C11orf54: variants seen among roughly 807,000 people sequenced by gnomAD.
C11orf54 encodes the protein beta-keto L-gulonate decarboxylase.
A neutral mutation model predicts 35.5 loss-of-function variants in C11orf54; 29 were observed. The observed-to-expected ratio is 0.82, with a 90% CI of 0.61 to 1.11. C11orf54 has a LOEUF of 1.11. C11orf54 is among the 50% of genes most tolerant of loss of function. The pLI is 0.00. For synonymous variants in C11orf54, 108 were observed against 121.1 expected, an observed-to-expected ratio of 0.89 and a Z score of 0.71; for missense variants, 373 against 369.2, an observed-to-expected ratio of 1.01 and a Z score of -0.08.
At chr11:93,758,581 G>A (rs1256201508) in intron 7 of C11orf54, among the ~76,000 whole-genome samples, 1 of 152,220 alleles carries the variant, frequency 6.6e-6, no homozygotes, top group Non-Finnish European at 1.5e-5. Flanking sequence ...CGCCTGCTCC[G>A]ATCCAGGAGC....
intron 6 of C11orf54, 52 bp downstream of exon 6, chr11:93,755,438 A>C (rs1226097887): frequency 1.3e-6 from 2 of 1,566,190 alleles, no homozygotes; most frequent in East Asian, 2.3e-5. Flanking sequence ...CAGAAAGCTA[A>C]AAATGTGAAC....
chr11:93,757,748 C>G (rs1260727902), intron 7 of C11orf54, among the ~76,000 whole-genome samples: 1 of 152,074 alleles, frequency 6.6e-6, no homozygotes, highest in East Asian at 1.9e-4. Flanking sequence ...AGACTGGTGT[C>G]GAACTCCTGA....
At position 93,751,399 on chromosome 11, in the gene C11orf54, GTTTTTTTTTTTT is replaced by G. The variant is rs71064778; in HGVS notation, c.154+968_154+979del. Among the ~76,000 whole-genome samples, 4 of 74,708 alleles carry G rather than the reference GTTTTTTTTTTTT, an allele frequency of 5.4e-5. No individual in the cohort carries two copies. The Admixed American group carries it at 6.9e-4, about 13-fold the overall frequency. The allele number at this position is 74,708 out of a possible 152,430, so 49.0% of individuals were successfully genotyped here. Reference sequence around the variant, plus strand: ...GGATTTAGCATAGTACTTTTTTATAGTTTTTTTTTTTTTTTTTTTTTTTTGAGACAGAGTCTC... The same window carrying G: ...GGATTTAGCATAGTACTTTTTTATAGTTTTTTTTTTTTGAGACAGAGTCTC... On this transcript the variant is annotated intron_variant, in intron 3 of 8. Transcript: ENST00000354421.
intron 2 of C11orf54, among the ~76,000 whole-genome samples, chr11:93,749,523 A>AAC (rs1942696898): frequency 1.3e-5 from 2 of 151,350 alleles, no homozygotes; most frequent in Non-Finnish European, 1.5e-5. Context: ...AAAAAAAAAA[A>AAC]AAAACTGTTG....
chr11:93,758,681 G>A (rs978780808), intron 7 of C11orf54, among the ~76,000 whole-genome samples: 2 of 152,232 alleles, frequency 1.3e-5, no homozygotes, highest in African/African-American at 4.8e-5. Context: ...CTGCCGTCCC[G>A]GCCCCTTCTG....
At chr11:93,745,869 C>A in intron 1 of C11orf54, 1 of 152,380 alleles carries the variant, frequency 6.6e-6, no homozygotes, top group African/African-American at 2.4e-5. Context: ...GTAATCCCAG[C>A]TACTGGGGAG....
Position 93,763,989 on chromosome 11 carries a change from C to T in C11orf54, c.*2301C>T, listed in dbSNP as rs1026041101. The T allele has an allele frequency of 6.6e-6, 1 of 152,122 alleles. No individual in the cohort carries two copies. Among genetic ancestry groups the T allele is most frequent in the Non-Finnish European group, 1.5e-5 (1 of 68,068 alleles). The allele number at this position is 152,122 out of a possible 1,614,324, so 9.4% of individuals were successfully genotyped here. A position where few individuals can be genotyped will look rare whatever the true frequency, so the allele number is the denominator to read the frequency against. ...GGTATCAAAGAAGGAAACACCCAGG[C>T]TTGCTTGCTTTATTTTTTTAAAGAG... On this transcript the variant is annotated 3_prime_UTR_variant, in exon 9 of 9. Coordinates refer to ENST00000354421, the MANE Select transcript of C11orf54 (RefSeq NM_001286069.2).
At chr11:93,747,093 C>T in intron 1 of C11orf54, 1 of 179,318 alleles carries the variant, frequency 5.6e-6, no homozygotes, top group Non-Finnish European at 1.2e-5. Context: ...GCCTGGGCAA[C>T]ATAGTAACAC....
chr11:93,757,514 A>C (rs746079546), intron 7 of C11orf54, 49 bp downstream of exon 7: 1 of 1,546,856 alleles, frequency 6.5e-7, no homozygotes, highest in Middle Eastern at 1.7e-4. Context: ...GTGTGTGTGC[A>C]CTTACTTAAG....
rs1430119222 is a variant in C11orf54 at position 93,747,459 on chromosome 11, T to A, written c.55+11T>A. 1.9e-6 allele frequency: 3 copies of A among 1,581,732 alleles called. No individual in the cohort carries two copies. The highest frequency in any genetic ancestry group is 2.6e-6 in the Non-Finnish European group (3 of 1,167,354). On this transcript the variant is annotated intron_variant, in intron 2 of 8. Transcript: ENST00000354421. ...AAGAGCTTGCTGGAGGTAAAAACAA[T>A]ATTAACTTTGGATTTTTAAAAATTA...
intron 1 of C11orf54, among the ~76,000 whole-genome samples, chr11:93,744,431 T>G (rs1591327924): frequency 6.6e-6 from 1 of 152,248 alleles, no homozygotes; most frequent in South Asian, 2.1e-4. Context: ...TGTGTTCTTA[T>G]TCCTACTGCC....
chr11:93,754,056 A>C lies in C11orf54; in HGVS notation c.330+19A>C. On this transcript the variant is annotated intron_variant, in intron 5 of 8. Coordinates refer to ENST00000354421, the MANE Select transcript of C11orf54 (RefSeq NM_001286069.2). Reference sequence around the variant, plus strand: ...TTCTGAGGTCAGCATATATAAGAAAATTATTTTACTTTATTGGTTTGACAT... The same window carrying C: ...TTCTGAGGTCAGCATATATAAGAAACTTATTTTACTTTATTGGTTTGACAT... 1 of 1,590,110 alleles carries C rather than the reference A, an allele frequency of 6.3e-7. No homozygotes were observed. The highest frequency in any genetic ancestry group is 8.6e-7 in the Non-Finnish European group (1 of 1,165,068).
intron 4 of C11orf54, 77 bp downstream of exon 4, chr11:93,753,832 C>T (rs999897980): frequency 6.5e-7 from 1 of 1,548,298 alleles, no homozygotes; most frequent in African/African-American, 1.4e-5. Flanking sequence ...ATTAGAAGAC[C>T]TGTTGATCAG....
At chr11:93,748,493 T>A (rs1391166300) in intron 2 of C11orf54, among the ~76,000 whole-genome samples, 3 of 152,094 alleles carry the variant, frequency 2.0e-5, no homozygotes, top group Non-Finnish European at 4.4e-5. Flanking sequence ...TTCACTTTTG[T>A]GTTTGTTTCT....
intron 1 of C11orf54, among the ~76,000 whole-genome samples, chr11:93,743,271 G>A (rs1402810939): frequency 6.6e-6 from 1 of 151,812 alleles, no homozygotes; most frequent in East Asian, 1.9e-4. Flanking sequence ...AAAGTGCTGG[G>A]AGTACAGGCG....
At position 93,764,026 on chromosome 11, in the gene C11orf54, C is replaced by T. The variant is rs1943568946; in HGVS notation, c.*2338C>T. On this transcript the variant is annotated 3_prime_UTR_variant, in exon 9 of 9. Transcript: ENST00000354421. ...ATTTTTTTAAAGAGATGGTGTCTCA[C>T]TATGTTGCCCAGGCTGGGCTCAAGT... The T allele has an allele frequency of 6.6e-6, 1 of 152,164 alleles. No individual in the cohort carries two copies. The highest frequency in any genetic ancestry group is 2.4e-5 in the African/African-American group (1 of 41,406). The allele number at this position is 152,164 out of a possible 1,614,324, so 9.4% of individuals were successfully genotyped here. A position where few individuals can be genotyped will look rare whatever the true frequency, so the allele number is the denominator to read the frequency against.
chr11:93,744,120 C>G (rs1942314185), intron 1 of C11orf54, among the ~76,000 whole-genome samples: 1 of 152,210 alleles, frequency 6.6e-6, no homozygotes, highest in African/African-American at 2.4e-5. Context: ...GTCTAAGGAA[C>G]TCATTTGATT....
chr11:93,758,120 G>A (rs1347262308), intron 7 of C11orf54, among the ~76,000 whole-genome samples: 1 of 152,206 alleles, frequency 6.6e-6, no homozygotes, highest in Admixed American at 6.5e-5. Flanking sequence ...AACCAGCCTG[G>A]TCAACATAGT....
At chr11:93,753,822 A>T in intron 4 of C11orf54, 67 bp downstream of exon 4, 1 of 1,563,486 alleles carries the variant, frequency 6.4e-7, no homozygotes, top group Non-Finnish European at 8.8e-7. Context: ...TGTGTTTATT[A>T]TTAGAAGACC....
Sources: allele counts gnomAD v4.1 joint callset (sites outside exome capture counted in the v4.1 genomes callset), GRCh38; gene constraint gnomAD v4.1.1; transcripts MANE v1.5; gene names NCBI Gene and HGNC (gene_info 2026-07-23, HGNC 2026-07-21).